PLA2G7: variants seen among roughly 807,000 people sequenced by gnomAD.
PLA2G7 encodes the protein platelet-activating factor acetylhydrolase.
Under a neutral mutation model 49.6 loss-of-function variants are expected in PLA2G7, and 63 were observed. That is an observed-to-expected ratio of 1.27 (90% CI 1.04 to 1.57). The LOEUF is 1.57. PLA2G7 is among the 40% of genes most tolerant of loss of function. The probability of loss-of-function intolerance (pLI) is 0.00; values close to 1 mark genes in which losing one functional copy is unlikely to be tolerated. For synonymous variants in PLA2G7, 193 were observed against 169.9 expected (o/e 1.14, Z -1.06); for missense variants, 596 against 521.2 (o/e 1.14, Z -1.40).
chr6:46,734,404 G>GTT (rs1765831181), intron 1 of PLA2G7, among the ~76,000 whole-genome samples: 1 of 74,838 alleles, frequency 1.3e-5, no homozygotes, highest in African/African-American at 9.8e-5. Flanking sequence ...GTGTAGTGGT[G>GTT]TGTGTGTGTG....
intron 2 of PLA2G7, among the ~76,000 whole-genome samples, chr6:46,719,842 G>A (rs1765337113): frequency 6.6e-6 from 1 of 152,178 alleles, no homozygotes; most frequent in South Asian, 2.1e-4. Context: ...CTCTTGCTAG[G>A]TAAATCTGTG....
At chr6:46,705,407 A>G (rs747514132) in intron 10 of PLA2G7, 106 bp from the exon 11 acceptor site, 386 of 878,398 alleles carry the variant, frequency 4.4e-4, no homozygotes, top group Non-Finnish European at 6.6e-4. Context: ...TTTACTGAAA[A>G]CCAAAGAAGA....
At chr6:46,726,447 A>G (rs930841300) in intron 1 of PLA2G7, among the ~76,000 whole-genome samples, 1 of 152,172 alleles carries the variant, frequency 6.6e-6, no homozygotes, top group Non-Finnish European at 1.5e-5. Context: ...CTTTTTCTCA[A>G]CCATGGGATA....
chr6:46,734,311 AGAGT>A (rs554086030), intron 1 of PLA2G7, among the ~76,000 whole-genome samples: 13 of 151,784 alleles, frequency 8.6e-5, no homozygotes, highest in Non-Finnish European at 1.9e-4. Flanking sequence ...CCTCAAAGGG[AGAGT>A]GAGAGAGAGG....
chr6:46,704,688 T>C lies in PLA2G7; in HGVS notation c.1198A>G (p.Lys400Glu), dbSNP rs1639323425. The stretch of plus-strand genomic sequence containing the variant: ...AAGCAGTCCCACTGATCAAAATCTT[T>C]ATGAAGTCCTATAAAATATAAAGTG... Reference protein sequence around the residue: ...AFLQKHLGLHKDFDQWDCLIE... With the variant: ...AFLQKHLGLHEDFDQWDCLIE... Residue 400 changes from lysine (K) to glutamate (E), a missense_variant, in exon 12 of 12, where the codon AAA becomes GAA. Physicochemically the swap from Lys to Glu is moderately conservative, Grantham distance 56. Transcript: ENST00000274793. The C allele has an allele frequency of 1.3e-6, 2 of 1,567,184 alleles. No individual in the cohort carries two copies. The highest frequency in any genetic ancestry group is 1.7e-5 in the Admixed American group (1 of 59,556).
intron 1 of PLA2G7, among the ~76,000 whole-genome samples, chr6:46,727,486 T>C (rs1010395657): frequency 6.6e-6 from 1 of 152,162 alleles, no homozygotes; most frequent in African/African-American, 2.4e-5. Context: ...AAATTCTTCC[T>C]GATTGACCTT....
intron 1 of PLA2G7, among the ~76,000 whole-genome samples, chr6:46,729,820 G>A (rs945331431): frequency 6.6e-6 from 1 of 152,190 alleles, no homozygotes; most frequent in Non-Finnish European, 1.5e-5. Flanking sequence ...TCCAGACATT[G>A]CCAGATGTCC....
At chr6:46,712,222 C>T in intron 6 of PLA2G7, 47 bp downstream of exon 6, 2 of 1,123,970 alleles carry the variant, frequency 1.8e-6, no homozygotes, top group Non-Finnish European at 2.7e-6. Context: ...TGAGCATTGA[C>T]ATTCCCTGTA....
chr6:46,713,936 C>T (rs571404846), intron 5 of PLA2G7, among the ~76,000 whole-genome samples: 2 of 152,306 alleles, frequency 1.3e-5, no homozygotes, highest in African/African-American at 4.8e-5. Flanking sequence ...TAGTCCAGCA[C>T]TCCTTCCATT....
At chr6:46,723,865 T>C (rs1056323793) in intron 1 of PLA2G7, among the ~76,000 whole-genome samples, 1 of 152,166 alleles carries the variant, frequency 6.6e-6, no homozygotes, top group Non-Finnish European at 1.5e-5. Context: ...CCAAAATAGC[T>C]TATAATGATC....
Position 46,716,367 on chromosome 6 carries a change from A to ATT in PLA2G7, c.376+16_376+17insAA, listed in dbSNP as rs1698578226. On this transcript the variant is annotated intron_variant, in intron 4 of 11. Coordinates refer to ENST00000274793, the MANE Select transcript of PLA2G7 (RefSeq NM_005084.4). Reference sequence around the variant, plus strand: ...TACATGCAAGAGCCTACAAAGAAGGATCAACAGAAATCTTACCAAAGAGTA... The same window carrying ATT: ...TACATGCAAGAGCCTACAAAGAAGGATTTCAACAGAAATCTTACCAAAGAGTA... 1.2e-5 allele frequency: 19 copies of ATT among 1,613,692 alleles called. No individual in the cohort carries two copies. The highest frequency in any genetic ancestry group is 1.6e-5 in the Non-Finnish European group (19 of 1,179,710).
Position 46,723,912 on chromosome 6 carries a change from C to A in PLA2G7, c.-34-987G>T, listed in dbSNP as rs541937085. 1.9e-4 allele frequency among the ~76,000 whole-genome samples: 29 copies of A among 152,300 alleles called. No individual in the cohort carries two copies. The South Asian group carries it at 2.3e-3, about 12-fold the overall frequency. ...TACTCAACACACTCCCAATCCTTCC[C>A]CTAGCCCCTCTTGGACACCTGCTGC... On this transcript the variant is annotated intron_variant, in intron 1 of 11. Coordinates refer to ENST00000274793, the MANE Select transcript of PLA2G7 (RefSeq NM_005084.4).
chr6:46,706,674 C>T (rs1243516832), intron 10 of PLA2G7, among the ~76,000 whole-genome samples: 1 of 152,178 alleles, frequency 6.6e-6, no homozygotes. Context: ...CATGCAATGA[C>T]TAATATTGGC....
At chr6:46,734,413 TGTGAGAGAGAGAGAGAGAGA>T (rs1765831912) in intron 1 of PLA2G7, among the ~76,000 whole-genome samples, 3 of 56,710 alleles carry the variant, frequency 5.3e-5, no homozygotes, top group African/African-American at 1.7e-4. Context: ...TGTGTGTGTG[TGTGAGAGAGAGAGAGAGAGA>T]GAGAGAGAGA....
At chr6:46,723,082 T>A (rs1306164405) in intron 1 of PLA2G7, among the ~76,000 whole-genome samples, 157 bp from the exon 2 acceptor site, 1 of 152,176 alleles carries the variant, frequency 6.6e-6, no homozygotes, top group South Asian at 2.1e-4. Flanking sequence ...AATGGTAAAA[T>A]CCTTGGTAAT....
At chr6:46,734,453 A>G (rs866282232) in intron 1 of PLA2G7, among the ~76,000 whole-genome samples, 9 of 109,320 alleles carry the variant, frequency 8.2e-5, no homozygotes, top group African/African-American at 2.2e-4. Context: ...AGAGAGAGAG[A>G]GAGAGAGAGA....
intron 4 of PLA2G7, among the ~76,000 whole-genome samples, chr6:46,715,201 T>G (rs1738184718): frequency 6.6e-6 from 1 of 152,152 alleles, no homozygotes; most frequent in South Asian, 2.1e-4. Context: ...GAAACCAAAC[T>G]ACCCATAAAA....
intron 5 of PLA2G7, among the ~76,000 whole-genome samples, chr6:46,713,584 G>C (rs568123696): frequency 6.6e-6 from 1 of 152,196 alleles, no homozygotes; most frequent in Non-Finnish European, 1.5e-5. Flanking sequence ...GTGCTGAAGA[G>C]AATTCTTTAT....
Position 46,712,356 on chromosome 6 carries a change from G to A in PLA2G7, c.471-19C>T. ...AAGTGTCCTTCAAAACAAAAAGAGG[G>A]AAGAATTACAACTACCAGTCATGAT... On this transcript the variant is annotated intron_variant, in intron 5 of 11. Coordinates refer to ENST00000274793, the MANE Select transcript of PLA2G7 (RefSeq NM_005084.4). The A allele has an allele frequency of 6.3e-7, 1 of 1,585,278 alleles. No homozygotes were observed. The highest frequency in any genetic ancestry group is 8.7e-7 in the Non-Finnish European group (1 of 1,154,310).
Sources: allele counts gnomAD v4.1 joint callset (sites outside exome capture counted in the v4.1 genomes callset), GRCh38; gene constraint gnomAD v4.1.1; transcripts MANE v1.5; gene names NCBI Gene and HGNC (gene_info 2026-07-23, HGNC 2026-07-21).